CCN4: variants seen among roughly 807,000 people sequenced by gnomAD.
CCN4 encodes CCN family member 4.
Under a neutral mutation model 36.7 loss-of-function variants are expected in CCN4, and 30 were observed. The observed-to-expected ratio is 0.82, with a 90% CI of 0.61 to 1.11. The LOEUF (loss-of-function observed/expected upper bound fraction) is 1.11. Ranked by LOEUF, CCN4 falls within the 50% of genes least tolerant of loss-of-function variation. CCN4 has a pLI of 0.00. For synonymous variants in CCN4, 191 were observed against 195.4 expected (o/e 0.98, Z 0.19); for missense variants, 505 against 504.9 (o/e 1.00, Z 0.00).
chr8:133,200,097 G>A (rs1853532799), intron 1 of CCN4, among the ~76,000 whole-genome samples: 2 of 152,196 alleles, frequency 1.3e-5, no homozygotes, highest in South Asian at 4.1e-4. Context: ...CTGAGCCAGG[G>A]ATCCAGTGCA....
At chr8:133,218,573 C>A (rs1282354145) in intron 2 of CCN4, among the ~76,000 whole-genome samples, 3 of 152,184 alleles carry the variant, frequency 2.0e-5, no homozygotes, top group Non-Finnish European at 2.9e-5. Context: ...ACTTCGAAAA[C>A]CTTCATGCCT....
chr8:133,205,720 C>A (rs1853747036), intron 1 of CCN4, among the ~76,000 whole-genome samples: 2 of 152,160 alleles, frequency 1.3e-5, no homozygotes, highest in Non-Finnish European at 2.9e-5. Context: ...GGGGCCCAAG[C>A]AAGCATCCTG....
At chr8:133,205,430 T>A (rs1853736172) in intron 1 of CCN4, among the ~76,000 whole-genome samples, 1 of 152,230 alleles carries the variant, frequency 6.6e-6, no homozygotes, top group Non-Finnish European at 1.5e-5. Flanking sequence ...TGACTTACGA[T>A]CTTTTCTCCT....
intron 1 of CCN4, among the ~76,000 whole-genome samples, chr8:133,194,729 AGTGT>A (rs1853291706): frequency 1.0e-3 from 21 of 20,288 alleles, no homozygotes; most frequent in East Asian, 5.4e-3. Flanking sequence ...GGATGTGTGT[AGTGT>A]GTGTGTGGTG....
At position 133,206,892 on chromosome 8, in the gene CCN4, C is replaced by T. The variant is rs566473398; in HGVS notation, c.70-5972C>T. 3.3e-5 allele frequency among the ~76,000 whole-genome samples: 5 copies of T among 152,306 alleles called. No homozygotes were observed. The South Asian group carries it at 1.0e-3, about 32-fold the overall frequency. ...TTTTTCATTAGAAGCTGGTATCATT[C>T]ACTGTATATGCCACCGGCCCAGGAG... On this transcript the variant is annotated intron_variant, in intron 1 of 4. Coordinates refer to ENST00000250160, the MANE Select transcript of CCN4 (RefSeq NM_003882.4).
Position 133,227,845 on chromosome 8 carries a change from A to G in CCN4, c.*135A>G. 2 of 984,946 alleles carry G rather than the reference A, an allele frequency of 2.0e-6. No individual in the cohort carries two copies. Among genetic ancestry groups the G allele is most frequent in the East Asian group, 5.2e-5 (2 of 38,558 alleles). The allele number at this position is 984,946 out of a possible 1,614,324, so 61.0% of individuals were successfully genotyped here. A position where few individuals can be genotyped will look rare whatever the true frequency, so the allele number is the denominator to read the frequency against. On this transcript the variant is annotated 3_prime_UTR_variant, in exon 5 of 5. Coordinates refer to ENST00000250160, the MANE Select transcript of CCN4 (RefSeq NM_003882.4). ...TTGGCCTCCATTTCTGTCTCTAACC[A>G]TTCAAATGACGCCTGATGGTGCTGC...
chr8:133,222,571 A>G (rs1365708035), intron 3 of CCN4, among the ~76,000 whole-genome samples: 1 of 151,458 alleles, frequency 6.6e-6, no homozygotes, highest in Non-Finnish European at 1.5e-5. Context: ...AGTGAGACAG[A>G]GGGGGCCTGA....
chr8:133,209,838 A>G (rs1439406711), intron 1 of CCN4, among the ~76,000 whole-genome samples: 1 of 152,214 alleles, frequency 6.6e-6, no homozygotes, highest in Admixed American at 6.5e-5. Context: ...TGCCACATCC[A>G]CAATGCCCCT....
intron 1 of CCN4, among the ~76,000 whole-genome samples, chr8:133,196,938 A>C (rs1564250371): frequency 6.6e-6 from 1 of 152,196 alleles, no homozygotes; most frequent in Non-Finnish European, 1.5e-5. Context: ...TGAGGGGCAG[A>C]CTAATGGGCA....
intron 1 of CCN4, among the ~76,000 whole-genome samples, chr8:133,205,010 G>C (rs1223504860): frequency 6.6e-6 from 1 of 152,240 alleles, no homozygotes; most frequent in Non-Finnish European, 1.5e-5. Flanking sequence ...CAGGGTAGTT[G>C]TACTTTGCAG....
At chr8:133,195,646 C>CTGT (rs1853353600) in intron 1 of CCN4, among the ~76,000 whole-genome samples, 1 of 152,144 alleles carries the variant, frequency 6.6e-6, no homozygotes, top group African/African-American at 2.4e-5. Context: ...AGGCATTTCC[C>CTGT]CCTCGGCATG....
rs1317326427 is a variant in CCN4, at chr8:133,213,129, T to C, written c.335T>C (p.Ile112Thr). 3.1e-6 allele frequency: 5 copies of C among 1,593,182 alleles called. No homozygotes were observed. In the African/African-American group the frequency reaches 4.3e-5, roughly 14 times the overall value. ...AGCGGGGACCGCCCGAGGTACGCAA[T>C]AGGAGTGTGTGCACGTAAGTGAGTC... ...DYSGDRPRYA[I>T]GVCAQVVGVG... Residue 112 changes from isoleucine (I) to threonine (T), a missense_variant, in exon 2 of 5, where the codon ATA becomes ACA. Transcript: ENST00000250160.
intron 2 of CCN4, among the ~76,000 whole-genome samples, chr8:133,214,590 T>A (rs1275517805): frequency 6.6e-6 from 1 of 152,124 alleles, no homozygotes; most frequent in African/African-American, 2.4e-5. Context: ...CCTTTTTTGT[T>A]CCAAGACACC....
At chr8:133,192,858 G>C (rs78539437) in intron 1 of CCN4, among the ~76,000 whole-genome samples, 2,692 of 152,314 alleles carry the variant, frequency 0.018, 78 homozygotes, top group African/African-American at 0.062. Context: ...GGACAGAGCC[G>C]AGGACTCAGC....
Position 133,217,467 on chromosome 8 carries a change from A to G in CCN4, c.350-3114A>G, listed in dbSNP as rs148815776. Among the ~76,000 whole-genome samples, 138 of 152,340 alleles carry G rather than the reference A, an allele frequency of 9.1e-4. 1 individual carries two copies. The highest frequency in any genetic ancestry group is 1.7e-3 in the Non-Finnish European group (114 of 68,028). ...TCTGAGATTAGATAGGAGGTAGTGA[A>G]GGAAACCCAACTGTCTTCACCATCT... On this transcript the variant is annotated intron_variant, in intron 2 of 4. Transcript: ENST00000250160.
chr8:133,224,173 C>A (rs1854635722), intron 3 of CCN4, among the ~76,000 whole-genome samples: 1 of 148,886 alleles, frequency 6.7e-6, no homozygotes, highest in Non-Finnish European at 1.5e-5. Context: ...ACATAGCCAG[C>A]AAGTAGCAGT....
In CCN4 at chr8:133,207,036, G is replaced by A. The variant is rs889984536; in HGVS notation, c.70-5828G>A. On this transcript the variant is annotated intron_variant, in intron 1 of 4. Transcript: ENST00000250160. Reference sequence around the variant, plus strand: ...CTTCACTCAGGGAGAGGTGGAGAGTGTAAGCACAGGCTTAGAGTCAAGCAC... The same window carrying A: ...CTTCACTCAGGGAGAGGTGGAGAGTATAAGCACAGGCTTAGAGTCAAGCAC... 3.9e-4 allele frequency among the ~76,000 whole-genome samples: 60 copies of A among 152,198 alleles called. 1 individual carries two copies. The highest frequency in any genetic ancestry group is 1.4e-3 in the African/African-American group (59 of 41,446).
intron 1 of CCN4, among the ~76,000 whole-genome samples, chr8:133,191,973 A>C (rs1179146695): frequency 1.3e-5 from 2 of 152,170 alleles, no homozygotes; most frequent in Admixed American, 1.3e-4. Context: ...GGGGAGTCAC[A>C]TATGTGACCG....
chr8:133,219,143 G>T (rs1051460853), intron 2 of CCN4, among the ~76,000 whole-genome samples: 11 of 152,116 alleles, frequency 7.2e-5, no homozygotes, highest in Non-Finnish European at 1.5e-4. Flanking sequence ...GAGTGTTCTT[G>T]CAAAGCATAC....
Sources: allele counts gnomAD v4.1 joint callset (sites outside exome capture counted in the v4.1 genomes callset), GRCh38; gene constraint gnomAD v4.1.1; transcripts MANE v1.5; gene names NCBI Gene and HGNC (gene_info 2026-07-23, HGNC 2026-07-21).